The following KCNIP1 variants were observed in gnomAD, a reference collection of about 807,000 sequenced individuals.
KCNIP1 encodes the protein A-type potassium channel modulatory protein KCNIP1.
KCNIP1 carries 18 observed loss-of-function variants against 33.0 expected under a neutral mutation model. That is an observed-to-expected ratio of 0.55 (90% CI 0.38 to 0.81). The LOEUF is 0.81. Ranked by LOEUF, KCNIP1 falls within the 30% of genes least tolerant of loss-of-function variation. The pLI is 0.00. For synonymous variants in KCNIP1, 93 were observed against 98.3 expected, an observed-to-expected ratio of 0.95 and a Z score of 0.32; for missense variants, 238 against 271.6, an observed-to-expected ratio of 0.88 and a Z score of 0.87.
chr5:170,610,012 C>G (rs1207324557), intron 1 of KCNIP1, among the ~76,000 whole-genome samples: 1 of 152,182 alleles, frequency 6.6e-6, no homozygotes, highest in Non-Finnish European at 1.5e-5. Flanking sequence ...CCTAATTTGG[C>G]TTTTAGCTTC....
intron 1 of KCNIP1, among the ~76,000 whole-genome samples, chr5:170,379,841 A>G (rs567913755): frequency 1.9e-4 from 29 of 152,178 alleles, no homozygotes; most frequent in African/African-American, 7.0e-4. Context: ...AGTCCCAGCT[A>G]CACAGGAGAC....
At chr5:170,697,510 T>C (rs1377691628) in intron 1 of KCNIP1, among the ~76,000 whole-genome samples, 1 of 152,190 alleles carries the variant, frequency 6.6e-6, no homozygotes, top group Non-Finnish European at 1.5e-5. Flanking sequence ...GCTGATACTT[T>C]GCACTAGTCT....
At chr5:170,370,801 C>T (rs1763823265) in intron 1 of KCNIP1, among the ~76,000 whole-genome samples, 1 of 152,164 alleles carries the variant, frequency 6.6e-6, no homozygotes, top group Non-Finnish European at 1.5e-5. Flanking sequence ...CAGCGGGGTT[C>T]TGGCTTGTGG....
intron 1 of KCNIP1, among the ~76,000 whole-genome samples, chr5:170,508,240 C>T (rs930393063): frequency 1.2e-4 from 18 of 152,198 alleles, no homozygotes; most frequent in Admixed American, 1.1e-3. Flanking sequence ...CTTCGGATCT[C>T]CAGAATAGTC....
intron 1 of KCNIP1, among the ~76,000 whole-genome samples, chr5:170,430,751 C>T (rs1049366189): frequency 6.6e-6 from 1 of 152,196 alleles, no homozygotes; most frequent in Non-Finnish European, 1.5e-5. Context: ...TATGTGAGGT[C>T]ATACGCAGTT....
chr5:170,398,768 C>T (rs1754822192), intron 1 of KCNIP1, among the ~76,000 whole-genome samples: 1 of 152,208 alleles, frequency 6.6e-6, no homozygotes, highest in Non-Finnish European at 1.5e-5. Flanking sequence ...CCAATCCCTC[C>T]CAGCCTCTCA....
rs529041799 is a variant in KCNIP1 at position 170,369,013 on chromosome 5, A to G, written c.88+15049A>G. ...CAAATATGATAAAATACTGATCATC[A>G]TTGGTGAACCTAGATGAAGGGGAGG... is the stretch of plus-strand genomic sequence containing the variant. On this transcript the variant is annotated intron_variant, in intron 1 of 7. Coordinates refer to the KCNIP1 transcript ENST00000377360. Among the ~76,000 whole-genome samples, 7 of 152,360 alleles carry G rather than the reference A, an allele frequency of 4.6e-5. No individual in the cohort carries two copies. The South Asian group carries it at 1.4e-3, about 32-fold the overall frequency.
chr5:170,592,944 G>A (rs1046179297), intron 1 of KCNIP1, among the ~76,000 whole-genome samples: 5 of 151,940 alleles, frequency 3.3e-5, no homozygotes, highest in African/African-American at 1.2e-4. Context: ...CCTCCTAGTT[G>A]GGGATGTAAA....
intron 1 of KCNIP1, among the ~76,000 whole-genome samples, chr5:170,469,718 C>T (rs1320426875): frequency 1.3e-5 from 2 of 152,222 alleles, no homozygotes; most frequent in African/African-American, 4.8e-5. Context: ...TTCCTTGCTG[C>T]ATTGCAAAGC....
chr5:170,424,246 A>G (rs1325360270), intron 1 of KCNIP1, among the ~76,000 whole-genome samples: 4 of 152,304 alleles, frequency 2.6e-5, no homozygotes, highest in African/African-American at 9.6e-5. Flanking sequence ...CGAAGCTGCC[A>G]TTTATCGAAG....
At chr5:170,593,849 C>T (rs1177306276) in intron 1 of KCNIP1, among the ~76,000 whole-genome samples, 3 of 152,160 alleles carry the variant, frequency 2.0e-5, no homozygotes, top group Admixed American at 1.3e-4. Context: ...GTTTGGGGGC[C>T]TTCCCTTCCC....
At chr5:170,672,036 C>T (rs1204006590) in intron 1 of KCNIP1, among the ~76,000 whole-genome samples, 1 of 152,170 alleles carries the variant, frequency 6.6e-6, no homozygotes, top group Non-Finnish European at 1.5e-5. Flanking sequence ...GGAGGCTTCA[C>T]TAAGGAGATA....
intron 1 of KCNIP1, among the ~76,000 whole-genome samples, chr5:170,554,158 A>G (rs932399775): frequency 8.5e-5 from 13 of 152,054 alleles, no homozygotes; most frequent in Non-Finnish European, 1.5e-4. Context: ...TTTTTTAAAA[A>G]TCGTGTGTAT....
At chr5:170,704,411 C>T (rs1466848552) in intron 1 of KCNIP1, among the ~76,000 whole-genome samples, 1 of 115,888 alleles carries the variant, frequency 8.6e-6, no homozygotes. Context: ...TCTGAGCCTC[C>T]GTCTTCTCTT....
At chr5:170,649,150 A>G (rs1760907760) in intron 1 of KCNIP1, among the ~76,000 whole-genome samples, 1 of 152,230 alleles carries the variant, frequency 6.6e-6, no homozygotes, top group Non-Finnish European at 1.5e-5. Context: ...TGCCACTATT[A>G]AGTATTGACC....
intron 1 of KCNIP1, among the ~76,000 whole-genome samples, chr5:170,496,195 G>A (rs766237018): frequency 1.3e-5 from 2 of 152,208 alleles, no homozygotes; most frequent in Non-Finnish European, 2.9e-5. Context: ...GCAGCCCCCA[G>A]GCACTAAAAG....
At chr5:170,564,203 G>C (rs553213508) in intron 1 of KCNIP1, among the ~76,000 whole-genome samples, 1 of 152,174 alleles carries the variant, frequency 6.6e-6, no homozygotes, top group South Asian at 2.1e-4. Flanking sequence ...ATGTTTTTAA[G>C]GTACATTGTG....
chr5:170,687,912 A>C (rs1380546671), intron 1 of KCNIP1, among the ~76,000 whole-genome samples: 2 of 152,242 alleles, frequency 1.3e-5, no homozygotes, highest in Non-Finnish European at 2.9e-5. Flanking sequence ...AACTACAGAC[A>C]GAGAACAGCT....
chr5:170,664,402 T>A (rs1761622878), intron 1 of KCNIP1, among the ~76,000 whole-genome samples: 1 of 152,116 alleles, frequency 6.6e-6, no homozygotes, highest in Non-Finnish European at 1.5e-5. Context: ...TTATAATTCC[T>A]CCCTGTGCAA....
Sources: allele counts gnomAD v4.1 joint callset (sites outside exome capture counted in the v4.1 genomes callset), GRCh38; gene constraint gnomAD v4.1.1; transcripts MANE v1.5; gene names NCBI Gene and HGNC (gene_info 2026-07-23, HGNC 2026-07-21).